The following PATJ variants were observed in gnomAD, a reference collection of about 807,000 sequenced individuals.
PATJ encodes the protein PATJ crumbs cell polarity complex component, also known as inaD-like protein.
Under a neutral mutation model 224.9 loss-of-function variants are expected in PATJ, and 190 were observed. The observed-to-expected ratio is 0.84, with a 90% CI of 0.75 to 0.95. The LOEUF (loss-of-function observed/expected upper bound fraction) is 0.95, where lower values mean the gene tolerates loss of function less well. Ranked by LOEUF, PATJ falls within the 40% of genes least tolerant of loss-of-function variation. The pLI is 0.00. For missense variants in PATJ, 2,121 were observed against 2,270.3 expected (o/e 0.93, Z 1.34); for synonymous variants, 769 against 820.3 (o/e 0.94, Z 1.07).
At chr1:61,989,551 A>C (rs2149540400) in intron 27 of PATJ, among the ~76,000 whole-genome samples, 1 of 152,306 alleles carries the variant, frequency 6.6e-6, no homozygotes, top group African/African-American at 2.4e-5. Flanking sequence ...AAGTCCTAAG[A>C]GTAGAAACCA....
In PATJ at chr1:61,871,570, T is replaced by A. The variant is rs1256746300; in HGVS notation, c.2836-3673T>A. 3.7e-3 allele frequency among the ~76,000 whole-genome samples: 488 copies of A among 131,710 alleles called. 2 individuals carry two copies. The highest frequency in any genetic ancestry group is 0.022 in the Middle Eastern group (6 of 274). The allele number at this position is 131,710 out of a possible 152,430, so 86.4% of individuals were successfully genotyped here. A position where few individuals can be genotyped will look rare whatever the true frequency, so the allele number is the denominator to read the frequency against. On this transcript the variant is annotated intron_variant, in intron 20 of 43. Transcript: ENST00000642238. ...ATATATATATATATTTTTTTTTTTTTTTTTTTTTTTGAGATGGAATCTCAC... is the reference window on the plus strand; with the variant it reads ...ATATATATATATATTTTTTTTTTTTATTTTTTTTTTGAGATGGAATCTCAC...
intron 20 of PATJ, among the ~76,000 whole-genome samples, chr1:61,869,273 A>AT (rs1170456238): frequency 8.1e-4 from 122 of 150,854 alleles, no homozygotes; most frequent in African/African-American, 2.6e-3. Context: ...CGCCCGGCTA[A>AT]TTTTTTGTAT....
chr1:61,855,024 A>T (rs1663427667), intron 17 of PATJ, among the ~76,000 whole-genome samples: 1 of 152,258 alleles, frequency 6.6e-6, no homozygotes, highest in Admixed American at 6.5e-5. Context: ...TTTTTAAAAT[A>T]CAGTGGAATC....
chr1:61,851,435 T>G (rs1332290909), intron 17 of PATJ, among the ~76,000 whole-genome samples: 1 of 151,934 alleles, frequency 6.6e-6, no homozygotes, highest in African/African-American at 2.4e-5. Context: ...GAGGGGATGG[T>G]TTGCATTAAG....
chr1:61,996,741 CTTTT>C (rs56215259), intron 28 of PATJ, among the ~76,000 whole-genome samples: 9 of 97,734 alleles, frequency 9.2e-5, no homozygotes, highest in Admixed American at 3.7e-4. Flanking sequence ...CTTTTCTTTT[CTTTT>C]TTTTTTTTTT....
chr1:61,848,394 G>A (rs557980386), intron 17 of PATJ, among the ~76,000 whole-genome samples: 7 of 152,072 alleles, frequency 4.6e-5, no homozygotes, highest in Admixed American at 1.3e-4. Context: ...TACTCACAAC[G>A]GAAATTTTAA....
At chr1:61,792,720 G>T (rs1284714651) in intron 9 of PATJ, among the ~76,000 whole-genome samples, 1 of 152,054 alleles carries the variant, frequency 6.6e-6, no homozygotes, top group Non-Finnish European at 1.5e-5. Flanking sequence ...AGCTGAGACA[G>T]GGTTTCACTA....
At chr1:62,096,103 C>T (rs150013555) in intron 33 of PATJ, among the ~76,000 whole-genome samples, 3 of 152,238 alleles carry the variant, frequency 2.0e-5, no homozygotes, top group African/African-American at 7.2e-5. Flanking sequence ...AAAAAAGACA[C>T]TAAATAGACC....
At chr1:61,862,341 C>T (rs765612291) in intron 19 of PATJ, among the ~76,000 whole-genome samples, 9 of 151,910 alleles carry the variant, frequency 5.9e-5, no homozygotes, top group East Asian at 1.9e-4. Flanking sequence ...GGACTACAGG[C>T]GTGCGCCACC....
At chr1:62,084,671 T>C in intron 33 of PATJ, 23 bp downstream of exon 33, 4 of 1,611,202 alleles carry the variant, frequency 2.5e-6, no homozygotes, top group Non-Finnish European at 3.4e-6. Context: ...AAATAAAATG[T>C]ATCCACTGTC....
chr1:62,017,371 G>A (rs1379171330), intron 28 of PATJ, among the ~76,000 whole-genome samples: 1 of 147,482 alleles, frequency 6.8e-6, no homozygotes, highest in Non-Finnish European at 1.5e-5. Flanking sequence ...CCGAGATCAT[G>A]CCACTGCACC....
At chr1:62,071,341 G>A (rs1183075950) in intron 31 of PATJ, among the ~76,000 whole-genome samples, 1 of 152,068 alleles carries the variant, frequency 6.6e-6, no homozygotes, top group Admixed American at 6.5e-5. Flanking sequence ...ATTATTAATT[G>A]CCAGGTGTGT....
chr1:62,038,868 A>G (rs1228909648), intron 30 of PATJ: 14 of 779,482 alleles, frequency 1.8e-5, no homozygotes, highest in Middle Eastern at 3.7e-4. Context: ...AGCAGCGCAT[A>G]GAAGATACAA....
At chr1:62,157,693 T>C (rs964182734) in intron 43 of PATJ, among the ~76,000 whole-genome samples, 1 of 148,208 alleles carries the variant, frequency 6.7e-6, no homozygotes, top group Admixed American at 7.1e-5. Flanking sequence ...TAGCCGGGCA[T>C]GGTGGCAGGT....
chr1:61,776,282 A>G (rs1029907107), intron 7 of PATJ, among the ~76,000 whole-genome samples: 1 of 152,228 alleles, frequency 6.6e-6, no homozygotes, highest in Non-Finnish European at 1.5e-5. Flanking sequence ...TGTGAGATCC[A>G]AACAGCTTTT....
intron 17 of PATJ, among the ~76,000 whole-genome samples, chr1:61,852,039 C>T (rs749730655): frequency 2.9e-4 from 43 of 148,212 alleles, no homozygotes; most frequent in African/African-American, 1.5e-4. Flanking sequence ...CTGGGAGTGA[C>T]GGCACACACC....
intron 27 of PATJ, among the ~76,000 whole-genome samples, chr1:61,979,343 G>A (rs1175456119): frequency 6.6e-6 from 1 of 152,020 alleles, no homozygotes; most frequent in Non-Finnish European, 1.5e-5. Flanking sequence ...GTTAATGGCT[G>A]AGGCCTTTAT....
rs1328450482 is a variant in PATJ at position 62,010,205 on chromosome 1, C to T, written c.3868-7651C>T. The stretch of plus-strand genomic sequence containing the variant: ...AATCCAGTCCCATCTTCAGGCTCCA[C>T]TTCTGATTCTAGTTCTCTGTCCATT... On this transcript the variant is annotated intron_variant, in intron 28 of 43. Coordinates refer to ENST00000642238, the MANE Select transcript of PATJ (RefSeq NM_001350145.3). Among the ~76,000 whole-genome samples, 13 of 152,108 alleles carry T rather than the reference C, an allele frequency of 8.5e-5. 1 individual carries two copies. In the East Asian group the frequency reaches 2.3e-3, roughly 27 times the overall value.
At chr1:62,006,184 G>A (rs1282778161) in intron 28 of PATJ, among the ~76,000 whole-genome samples, 2 of 151,892 alleles carry the variant, frequency 1.3e-5, no homozygotes, top group Non-Finnish European at 2.9e-5. Flanking sequence ...GCGCAATCTC[G>A]GCTCTCTGCA....
Sources: gnomAD v4.1 joint callset for allele counts (sites outside exome capture counted in the v4.1 genomes callset) on GRCh38, gnomAD v4.1.1 for gene constraint, MANE v1.5 for transcripts, NCBI Gene and HGNC (gene_info 2026-07-23, HGNC 2026-07-21) for gene names.